Variants in CA5A observed in about 807,000 individuals in gnomAD.
CA5A encodes the protein carbonic anhydrase 5A, mitochondrial.
CA5A carries 28 observed loss-of-function variants against 37.1 expected under a neutral mutation model. The ratio of observed to expected loss-of-function variants is 0.75; its 90% confidence interval spans 0.56 to 1.03. The LOEUF is 1.03. CA5A is among the 50% of genes least tolerant of loss of function. CA5A has a pLI of 0.00. For synonymous variants in CA5A, 171 were observed against 158.4 expected, an observed-to-expected ratio of 1.08 and a Z score of -0.60; for missense variants, 444 against 399.9, an observed-to-expected ratio of 1.11 and a Z score of -0.94.
intron 2 of CA5A, among the ~76,000 whole-genome samples, chr16:87,912,256 C>G (rs534301868): frequency 1.3e-5 from 2 of 152,028 alleles, no homozygotes; most frequent in Non-Finnish European, 2.9e-5. Context: ...GAGCCGAGGT[C>G]GTGTCACTGA....
intron 5 of CA5A, among the ~76,000 whole-genome samples, chr16:87,898,090 C>A (rs1344281806): frequency 6.6e-6 from 1 of 152,168 alleles, no homozygotes. Context: ...CAGCTGGGTC[C>A]CCAGGGAGTG....
At chr16:87,918,042 A>T (rs1287163385) in intron 2 of CA5A, among the ~76,000 whole-genome samples, 1 of 152,194 alleles carries the variant, frequency 6.6e-6, no homozygotes, top group Admixed American at 6.5e-5. Flanking sequence ...CCTGTCTCTC[A>T]TCTTGGAGCT....
downstream of CA5A, chr16:87,886,098 A>G (rs1310534156): frequency 6.6e-6 from 1 of 151,474 alleles, no homozygotes; most frequent in Non-Finnish European, 1.5e-5. Context: ...CATGAAAGAG[A>G]GACAGAAAAG....
At chr16:87,889,006 G>A (rs1467453943) in intron 6 of CA5A, among the ~76,000 whole-genome samples, 1 of 149,924 alleles carries the variant, frequency 6.7e-6, no homozygotes, top group Non-Finnish European at 1.5e-5. Flanking sequence ...CGCAACTTCT[G>A]CCTCCTGGGT....
At chr16:87,897,491 G>A (rs772078323) in intron 5 of CA5A, among the ~76,000 whole-genome samples, 1 of 152,002 alleles carries the variant, frequency 6.6e-6, no homozygotes, top group Non-Finnish European at 1.5e-5. Flanking sequence ...GCACTGGTAG[G>A]GGCCTGTGCA....
At chr16:87,895,274 G>A (rs1436517563) in intron 5 of CA5A, among the ~76,000 whole-genome samples, 5 of 150,248 alleles carry the variant, frequency 3.3e-5, no homozygotes, top group African/African-American at 9.8e-5. Flanking sequence ...GGCTGGGCAC[G>A]GTGGCTCACG....
chr16:87,932,482 G>A (rs183064940), intron 1 of CA5A, among the ~76,000 whole-genome samples: 41 of 152,298 alleles, frequency 2.7e-4, no homozygotes, highest in African/African-American at 8.4e-4. Flanking sequence ...CCACCTGCAC[G>A]GAGGCGACGC....
At chr16:87,927,068 C>G in intron 1 of CA5A, 123 bp from the exon 2 acceptor site, 6 of 705,798 alleles carry the variant, frequency 8.5e-6, no homozygotes, top group Non-Finnish European at 1.4e-5. Flanking sequence ...AACTGACCCA[C>G]GGGAAACGGG....
At chr16:87,930,634 G>A (rs1161091927) in intron 1 of CA5A, among the ~76,000 whole-genome samples, 3 of 152,114 alleles carry the variant, frequency 2.0e-5, no homozygotes, top group African/African-American at 7.2e-5. Flanking sequence ...AGAGAGCGGT[G>A]GGGACTGCGG....
downstream of CA5A, chr16:87,885,193 CA>C (rs766276723): frequency 1.7e-3 from 285 of 166,054 alleles, 2 homozygotes; most frequent in African/African-American, 6.9e-3. Context: ...CAAAACAAAA[CA>C]ACAACAACAA....
chr16:87,893,984 C>G (rs1173695976), intron 5 of CA5A, among the ~76,000 whole-genome samples: 1 of 152,164 alleles, frequency 6.6e-6, no homozygotes, highest in East Asian at 1.9e-4. Flanking sequence ...TTCTCCAACT[C>G]CTGGGCTCAA....
chr16:87,917,704 A>C (rs1171620958), intron 2 of CA5A, among the ~76,000 whole-genome samples: 1 of 148,526 alleles, frequency 6.7e-6, no homozygotes, highest in African/African-American at 2.5e-5. Context: ...CCCGCACACG[A>C]ACACACACAT....
At chr16:87,886,041 T>C (rs2143881587), downstream of CA5A, 1 of 151,968 alleles carries the variant, frequency 6.6e-6, no homozygotes, top group Admixed American at 6.6e-5. Flanking sequence ...GCACGAGTGG[T>C]AGCTCTCTTT....
intron 6 of CA5A, among the ~76,000 whole-genome samples, chr16:87,891,329 G>A (rs1233298385): frequency 2.6e-5 from 4 of 151,518 alleles, no homozygotes; most frequent in Non-Finnish European, 4.4e-5. Context: ...TTAGCCAGGC[G>A]TGGTGATGGG....
At chr16:87,932,238 G>A (rs564771339) in intron 1 of CA5A, among the ~76,000 whole-genome samples, 2 of 152,262 alleles carry the variant, frequency 1.3e-5, no homozygotes, top group South Asian at 4.1e-4. Context: ...CGGGCAAGGG[G>A]CATTTAACAT....
At chr16:87,934,957 G>A (rs1185770820) in intron 1 of CA5A, among the ~76,000 whole-genome samples, 5 of 152,234 alleles carry the variant, frequency 3.3e-5, no homozygotes, top group African/African-American at 1.2e-4. Flanking sequence ...CCCAACAGGA[G>A]GAATGAGTGT....
intron 6 of CA5A, among the ~76,000 whole-genome samples, chr16:87,890,480 G>C (rs192258450): frequency 1.3e-5 from 2 of 152,164 alleles, no homozygotes; most frequent in African/African-American, 4.8e-5. Context: ...GTCGCGCTGC[G>C]ACTGCTGAGA....
intron 6 of CA5A, 111 bp from the exon 7 acceptor site, chr16:87,888,383 G>C (rs1318945878): frequency 1.1e-6 from 1 of 914,706 alleles, no homozygotes; most frequent in Non-Finnish European, 1.7e-6. Context: ...AGGATGGCCC[G>C]AAATGATCAA....
chr16:87,919,524 G>C (rs1392804025), intron 2 of CA5A, among the ~76,000 whole-genome samples: 2 of 152,034 alleles, frequency 1.3e-5, no homozygotes, highest in Non-Finnish European at 1.5e-5. Context: ...CCCCGTGAGT[G>C]TCCCCTGGGG....
Sources: gnomAD v4.1 joint callset for allele counts (sites outside exome capture counted in the v4.1 genomes callset) on GRCh38, gnomAD v4.1.1 for gene constraint, MANE v1.5 for transcripts, NCBI Gene and HGNC (gene_info 2026-07-23, HGNC 2026-07-21) for gene names.